Variants in TTC12 observed in about 807,000 individuals in gnomAD.
TTC12 encodes tetratricopeptide repeat domain 12.
Under a neutral mutation model 90.1 loss-of-function variants are expected in TTC12, and 70 were observed. The observed-to-expected ratio is 0.78, with a 90% confidence interval of 0.64 to 0.95. The LOEUF is 0.95. TTC12 is among the 40% of genes least tolerant of loss of function. The probability of loss-of-function intolerance (pLI) is 0.00; values close to 1 mark genes in which losing one functional copy is unlikely to be tolerated. For synonymous variants in TTC12, 296 were observed against 311.5 expected, an observed-to-expected ratio of 0.95 and a Z score of 0.53; for missense variants, 819 against 846.1, an observed-to-expected ratio of 0.97 and a Z score of 0.40.
chr11:113,373,188 A>G (rs1950429508), exon 22 of TTC12: 1 of 985,168 alleles, frequency 1.0e-6, no homozygotes, highest in African/African-American at 1.7e-5. Context: ...GTACTCAACC[A>G]CCCCACTCCA....
downstream of TTC12, among the ~76,000 whole-genome samples, chr11:113,371,004 G>A (rs12804573): frequency 0.37 from 56,153 of 152,002 alleles, 12,971 homozygotes; most frequent in Non-Finnish European, 0.53. Flanking sequence ...GCTGCTGCTG[G>A]GAGATGAATT....
Position 113,334,172 on chromosome 11 carries a change from G to A in TTC12, c.505-794G>A, listed in dbSNP as rs1033152293. ...CCTCTTCATATCTAAACCTTTGAAG[G>A]GCATCTGATTTGGCACAATGTCTTG... On this transcript the variant is annotated intron_variant, in intron 7 of 21. Transcript: ENST00000529221. Among the ~76,000 whole-genome samples the A allele has an allele frequency of 2.0e-5, 3 of 152,088 alleles. No individual in the cohort carries two copies. In the East Asian group the frequency reaches 5.8e-4, roughly 29 times the overall value.
chr11:113,323,316 T>G lies in TTC12; in HGVS notation c.87T>G (p.Asp29Glu), dbSNP rs782193804. ...ATTTAATTCAGGAGATGAATTCTGA[T>G]GACCCAGTTGTGCAACAGAAAGCTG... ...ISNLIQEMNS[D>E]DPVVQQKAVL... Residue 29 changes from aspartate (D) to glutamate (E), a missense_variant, in exon 3 of 22, where the codon GAT becomes GAG. By Grantham distance (45) the Asp-to-Glu change is conservative (BLOSUM62 2). Transcript: ENST00000529221. 31 of 1,604,766 alleles carry G rather than the reference T, an allele frequency of 1.9e-5. No individual in the cohort carries two copies. The highest frequency in any genetic ancestry group is 1.7e-4 in the Middle Eastern group (1 of 6,030).
In TTC12 at chr11:113,361,528, A is replaced by C. The variant is rs536436346; in HGVS notation, c.1615-873A>C. 9.2e-5 allele frequency among the ~76,000 whole-genome samples: 14 copies of C among 152,330 alleles called. No individual in the cohort carries two copies. The South Asian group carries it at 2.9e-3, about 32-fold the overall frequency. On this transcript the variant is annotated intron_variant, in intron 18 of 21. Coordinates refer to ENST00000529221, the MANE Select transcript of TTC12 (RefSeq NM_017868.4). The stretch of plus-strand genomic sequence containing the variant: ...ATGAAGATTTCAAAACTCCCGATAC[A>C]ACAGAGAGCAGAAGTACAAGGCAGT...
intron 16 of TTC12, among the ~76,000 whole-genome samples, chr11:113,358,992 A>G (rs782622868): frequency 6.6e-5 from 10 of 151,496 alleles, no homozygotes; most frequent in Non-Finnish European, 1.3e-4. Context: ...GGAGCATGTC[A>G]GTCATCTCTG....
At chr11:113,333,503 C>G (rs1034543596) in intron 7 of TTC12, among the ~76,000 whole-genome samples, 1 of 151,962 alleles carries the variant, frequency 6.6e-6, no homozygotes, top group Non-Finnish European at 1.5e-5. Context: ...ATTTTTAAAC[C>G]CTTGAGAGTT....
chr11:113,328,967 A>G (rs549713230), intron 6 of TTC12, among the ~76,000 whole-genome samples: 40 of 152,112 alleles, frequency 2.6e-4, no homozygotes, highest in Admixed American at 1.6e-3. Flanking sequence ...ACTCCTCTTC[A>G]TTTCTTTTTA....
rs182549892 is a variant in TTC12, at chr11:113,355,568, C to A, written c.1446+3361C>A. On this transcript the variant is annotated intron_variant, in intron 16 of 21. Coordinates refer to ENST00000529221, the MANE Select transcript of TTC12 (RefSeq NM_017868.4). ...GGTAGGTTGTTAACATGAGATATTT[C>A]TAACTTTTTAGTTAGAAATATCTGT... is the stretch of plus-strand genomic sequence containing the variant. 6.7e-3 allele frequency among the ~76,000 whole-genome samples: 1,022 copies of A among 152,174 alleles called. 9 individuals are homozygous for A. Among genetic ancestry groups the A allele is most frequent in the African/African-American group, 0.024 (987 of 41,526 alleles).
At chr11:113,366,672 C>T (rs531707807), downstream of TTC12, among the ~76,000 whole-genome samples, 1 of 152,362 alleles carries the variant, frequency 6.6e-6, no homozygotes, top group East Asian at 1.9e-4. Flanking sequence ...TGGCAATATG[C>T]TAGAAACATC....
chr11:113,342,928 CA>C (rs1316764848), intron 12 of TTC12, among the ~76,000 whole-genome samples: 1 of 152,196 alleles, frequency 6.6e-6, no homozygotes, highest in Non-Finnish European at 1.5e-5. Flanking sequence ...GTGAATCTGA[CA>C]TAACAATCTG....
intron 16 of TTC12, among the ~76,000 whole-genome samples, chr11:113,358,838 A>G (rs1353970546): frequency 4.6e-5 from 7 of 151,890 alleles, no homozygotes; most frequent in Non-Finnish European, 5.9e-5. Flanking sequence ...AGTTCAACTC[A>G]CCCATTCCCC....
intron 8 of TTC12, among the ~76,000 whole-genome samples, chr11:113,336,595 C>T (rs1948382513): frequency 6.6e-6 from 1 of 152,114 alleles, no homozygotes; most frequent in Non-Finnish European, 1.5e-5. Flanking sequence ...ATTCTTTTGC[C>T]TGTAGATGTC....
At chr11:113,341,259 ACAG>A (rs2137996680) in intron 11 of TTC12, among the ~76,000 whole-genome samples, 2 of 152,300 alleles carry the variant, frequency 1.3e-5, no homozygotes, top group African/African-American at 4.8e-5. Context: ...AGAGAGAGGA[ACAG>A]CAGCACTTCC....
intron 2 of TTC12, among the ~76,000 whole-genome samples, chr11:113,318,765 G>C (rs782057465): frequency 3.9e-5 from 6 of 152,162 alleles, no homozygotes; most frequent in Non-Finnish European, 8.8e-5. Flanking sequence ...AAAGCTAAGA[G>C]TGAAGAAAGA....
intron 2 of TTC12, among the ~76,000 whole-genome samples, chr11:113,320,267 C>T (rs1432988914): frequency 6.6e-6 from 1 of 152,104 alleles, no homozygotes; most frequent in East Asian, 1.9e-4. Context: ...TTTTCGTGCC[C>T]AAAAAGTTGC....
intron 13 of TTC12, among the ~76,000 whole-genome samples, chr11:113,348,698 A>C (rs1017738460): frequency 9.8e-5 from 15 of 152,368 alleles, no homozygotes; most frequent in African/African-American, 3.4e-4. Flanking sequence ...TGAGGACTTT[A>C]TAAAAAAGCA....
downstream of TTC12, chr11:113,366,460 A>C: frequency 7.4e-7 from 1 of 1,352,058 alleles, no homozygotes. Flanking sequence ...AGTGGGCATT[A>C]GGCTGGCTGC....
At chr11:113,367,931 C>T (rs557742729), downstream of TTC12, among the ~76,000 whole-genome samples, 184 of 152,296 alleles carry the variant, frequency 1.2e-3, 1 homozygote, top group Admixed American at 7.4e-3. Flanking sequence ...GAGAACGGCT[C>T]GATGCTAATC....
downstream of TTC12, chr11:113,366,415 GTGTT>G (rs1950217660): frequency 5.8e-6 from 9 of 1,539,394 alleles, no homozygotes; most frequent in African/African-American, 6.9e-5. Flanking sequence ...CATTTTTAGA[GTGTT>G]TGCATTTCAG....
Sources: allele counts gnomAD v4.1 joint callset (sites outside exome capture counted in the v4.1 genomes callset), GRCh38; gene constraint gnomAD v4.1.1; transcripts MANE v1.5; gene names NCBI Gene and HGNC (gene_info 2026-07-23, HGNC 2026-07-21).